Variants in SOX6 observed in about 807,000 individuals in gnomAD.
SOX6 encodes the protein SRY-box transcription factor 6.
Under a neutral mutation model 97.8 loss-of-function variants are expected in SOX6, and 11 were observed. The observed-to-expected ratio is 0.11, with a 90% CI of 0.07 to 0.19. The LOEUF (loss-of-function observed/expected upper bound fraction) is 0.19, where lower values mean the gene tolerates loss of function less well. SOX6 is among the 10% of genes least tolerant of loss of function. The pLI, the probability that SOX6 is intolerant of heterozygous loss-of-function variation, is 1.00. For missense variants in SOX6, 810 were observed against 1,039.5 expected, an observed-to-expected ratio of 0.78 and a Z score of 3.04; for synonymous variants, 360 against 371.4, an observed-to-expected ratio of 0.97 and a Z score of 0.35.
At chr11:16,043,787 T>C (rs1855747173) in intron 12 of SOX6, among the ~76,000 whole-genome samples, 1 of 152,172 alleles carries the variant, frequency 6.6e-6, no homozygotes, top group East Asian at 1.9e-4. Flanking sequence ...GAAATGCTGT[T>C]GGTAGCTAGC....
intron 4 of SOX6, among the ~76,000 whole-genome samples, chr11:16,547,316 G>T (rs1021204049): frequency 2.0e-5 from 3 of 152,086 alleles, no homozygotes; most frequent in Non-Finnish European, 2.9e-5. Flanking sequence ...TGCACTCCCT[G>T]TTTACTGCAG....
chr11:16,161,416 A>T (rs1227640058), intron 6 of SOX6, among the ~76,000 whole-genome samples: 1 of 151,686 alleles, frequency 6.6e-6, no homozygotes, highest in East Asian at 1.9e-4. Context: ...TCTTAGACAT[A>T]AGAATTATTT....
At chr11:16,550,599 C>A (rs1368197799) in intron 4 of SOX6, among the ~76,000 whole-genome samples, 2 of 151,998 alleles carry the variant, frequency 1.3e-5, no homozygotes, top group African/African-American at 2.4e-5. Flanking sequence ...CTAAATTATA[C>A]CTTAATTAAC....
At chr11:15,978,257 T>G (rs1853551422) in intron 15 of SOX6, among the ~76,000 whole-genome samples, 1 of 152,030 alleles carries the variant, frequency 6.6e-6, no homozygotes, top group Admixed American at 6.6e-5. Flanking sequence ...AAAGTTGTCT[T>G]TCTTCATTTC....
At chr11:15,988,190 T>C (rs568365447) in intron 14 of SOX6, among the ~76,000 whole-genome samples, 2 of 152,372 alleles carry the variant, frequency 1.3e-5, no homozygotes, top group South Asian at 4.1e-4. Flanking sequence ...TCTGTGTTTT[T>C]CCTTTTTAAA....
chr11:16,257,626 C>G (rs1853733746), intron 3 of SOX6, among the ~76,000 whole-genome samples: 1 of 151,700 alleles, frequency 6.6e-6, no homozygotes, highest in South Asian at 2.1e-4. Context: ...TAGGAGAAAA[C>G]TTAGATGATC....
chr11:16,354,882 T>A (rs1857034857), intron 1 of SOX6, among the ~76,000 whole-genome samples: 1 of 152,042 alleles, frequency 6.6e-6, no homozygotes, highest in Non-Finnish European at 1.5e-5. Context: ...TCCAAAATGT[T>A]ACTTGTTTCA....
intron 12 of SOX6, among the ~76,000 whole-genome samples, chr11:16,025,568 C>A (rs1166492187): frequency 6.6e-6 from 1 of 152,128 alleles, no homozygotes; most frequent in Non-Finnish European, 1.5e-5. Flanking sequence ...TCTGAGGTAC[C>A]TGTTTAATTT....
chr11:16,399,713 G>C (rs1858493980), intron 1 of SOX6, among the ~76,000 whole-genome samples: 1 of 151,342 alleles, frequency 6.6e-6, no homozygotes, highest in Admixed American at 6.6e-5. Flanking sequence ...TTCCAGATGA[G>C]GAAAGGGATA....
intron 3 of SOX6, among the ~76,000 whole-genome samples, chr11:16,634,893 C>T (rs1406155844): frequency 1.3e-5 from 2 of 152,102 alleles, no homozygotes; most frequent in South Asian, 2.1e-4. Flanking sequence ...TGAGTTCTCA[C>T]GAGTTCTGAT....
intron 3 of SOX6, among the ~76,000 whole-genome samples, chr11:16,239,165 G>C (rs1853110393): frequency 6.6e-6 from 1 of 152,132 alleles, no homozygotes; most frequent in African/African-American, 2.4e-5. Context: ...AACTTGGAGA[G>C]CTTGAAGAGC....
chr11:16,642,519 T>C (rs1157214065), intron 3 of SOX6, among the ~76,000 whole-genome samples: 1 of 152,240 alleles, frequency 6.6e-6, no homozygotes, highest in Non-Finnish European at 1.5e-5. Context: ...TTTTCCAACT[T>C]GGTTCCATTC....
At chr11:16,522,691 G>A (rs1223070604) in intron 4 of SOX6, among the ~76,000 whole-genome samples, 1 of 152,138 alleles carries the variant, frequency 6.6e-6, no homozygotes, top group African/African-American at 2.4e-5. Context: ...CTGGCAAGTT[G>A]GATAAAGAGT....
At chr11:16,203,632 G>C (rs1263130148) in intron 4 of SOX6, among the ~76,000 whole-genome samples, 1 of 152,084 alleles carries the variant, frequency 6.6e-6, no homozygotes, top group African/African-American at 2.4e-5. Flanking sequence ...GTGCAACTAA[G>C]AGCACAGGTA....
At chr11:16,093,708 T>C (rs1324716788) in intron 9 of SOX6, among the ~76,000 whole-genome samples, 2 of 152,112 alleles carry the variant, frequency 1.3e-5, no homozygotes, top group African/African-American at 2.4e-5. Context: ...TAGTTTATCA[T>C]GATCATGTTT....
intron 4 of SOX6, among the ~76,000 whole-genome samples, chr11:16,481,615 C>T (rs1441577007): frequency 6.6e-6 from 1 of 152,066 alleles, no homozygotes; most frequent in African/African-American, 2.4e-5. Flanking sequence ...TTGAGGGCCA[C>T]ACTTAGAAGG....
intron 4 of SOX6, among the ~76,000 whole-genome samples, chr11:16,231,309 A>C (rs1338097542): frequency 6.6e-6 from 1 of 151,786 alleles, no homozygotes; most frequent in African/African-American, 2.4e-5. Context: ...AAGTCTTTTA[A>C]AGAAAAAATG....
intron 3 of SOX6, among the ~76,000 whole-genome samples, chr11:16,614,156 A>C (rs1304021380): frequency 6.6e-6 from 1 of 152,218 alleles, no homozygotes; most frequent in Non-Finnish European, 1.5e-5. Context: ...ACTAACTCCC[A>C]GGGCAGTGGC....
At chr11:16,112,157 C>T (rs903713709) in intron 6 of SOX6, among the ~76,000 whole-genome samples, 3 of 152,140 alleles carry the variant, frequency 2.0e-5, no homozygotes, top group African/African-American at 7.2e-5. Flanking sequence ...CTGCTTCCAC[C>T]GAACTGTAGT....
Sources: allele counts gnomAD v4.1 joint callset (sites outside exome capture counted in the v4.1 genomes callset), GRCh38; gene constraint gnomAD v4.1.1; transcripts MANE v1.5; gene names NCBI Gene and HGNC (gene_info 2026-07-23, HGNC 2026-07-21).